Variants in ZFR observed in about 807,000 individuals in gnomAD.
ZFR encodes zinc finger RNA binding protein, also known as zinc finger RNA-binding protein.
In ZFR, 19 loss-of-function variants were observed where a neutral mutation model predicts 130.7. That is an observed-to-expected ratio of 0.15 (90% confidence interval 0.10 to 0.21). The LOEUF (loss-of-function observed/expected upper bound fraction) is 0.21. Among genes scored for constraint, ZFR ranks in the 10% least tolerant of loss-of-function variants. ZFR has a pLI of 1.00. For missense variants in ZFR, 872 were observed against 1,321.5 expected (o/e 0.66, Z 5.27); for synonymous variants, 466 against 456.9 (o/e 1.02, Z -0.25).
intron 5 of ZFR, among the ~76,000 whole-genome samples, chr5:32,407,342 A>T (rs1003593785): frequency 2.6e-5 from 4 of 151,316 alleles, no homozygotes; most frequent in African/African-American, 7.3e-5. Flanking sequence ...AGAATCTGCT[A>T]ATATGTCCCC....
At chr5:32,426,881 G>A (rs184800754) in intron 2 of ZFR, among the ~76,000 whole-genome samples, 1 of 138,506 alleles carries the variant, frequency 7.2e-6, no homozygotes, top group East Asian at 2.2e-4. Flanking sequence ...CTCCAGCCTG[G>A]ATGACAAAGA....
At chr5:32,396,713 C>T (rs543351218) in intron 10 of ZFR, among the ~76,000 whole-genome samples, 1 of 152,196 alleles carries the variant, frequency 6.6e-6, no homozygotes, top group South Asian at 2.1e-4. Context: ...CACTGCACTC[C>T]AGCCTTGGCT....
intron 17 of ZFR, among the ~76,000 whole-genome samples, chr5:32,375,815 C>T (rs530301648): frequency 2.7e-5 from 4 of 150,140 alleles, no homozygotes; most frequent in East Asian, 4.0e-4. Flanking sequence ...ACCGGTTGAT[C>T]TTTCATCTAT....
intron 5 of ZFR, 142 bp downstream of exon 5, chr5:32,414,827 C>T (rs1464428160): frequency 1.4e-6 from 1 of 706,612 alleles, no homozygotes; most frequent in East Asian, 3.1e-5. Flanking sequence ...AGAACAGTCA[C>T]ATTATGTACC....
At chr5:32,390,466 A>C (rs1213752062) in intron 11 of ZFR, 29 bp from the exon 12 acceptor site, 1 of 1,589,726 alleles carries the variant, frequency 6.3e-7, no homozygotes, top group African/African-American at 1.3e-5. Context: ...CATTATAAGC[A>C]TATGAGGAAA....
chr5:32,384,317 A>G (rs1245259300), intron 15 of ZFR, among the ~76,000 whole-genome samples: 1 of 152,194 alleles, frequency 6.6e-6, no homozygotes, highest in Non-Finnish European at 1.5e-5. Context: ...TTCACATAAG[A>G]AAACCCTTTA....
At chr5:32,442,926 C>T (rs1448459006) in intron 2 of ZFR, among the ~76,000 whole-genome samples, 5 of 152,074 alleles carry the variant, frequency 3.3e-5, no homozygotes, top group African/African-American at 1.2e-4. Flanking sequence ...GCAAAAGAGG[C>T]CAGGTGTGGT....
At chr5:32,419,712 T>C in intron 3 of ZFR, 109 bp downstream of exon 3, 1 of 1,480,902 alleles carries the variant, frequency 6.8e-7, no homozygotes, top group Non-Finnish European at 8.9e-7. Context: ...TCAGTACATG[T>C]GTATTTTGGA....
intron 2 of ZFR, among the ~76,000 whole-genome samples, chr5:32,432,530 C>T (rs576601297): frequency 6.6e-6 from 1 of 151,958 alleles, no homozygotes; most frequent in South Asian, 2.1e-4. Context: ...TTTAAGAGTT[C>T]TTTATATATA....
At chr5:32,393,381 T>C (rs1262358641) in intron 11 of ZFR, among the ~76,000 whole-genome samples, 6 of 152,156 alleles carry the variant, frequency 3.9e-5, no homozygotes, top group African/African-American at 1.4e-4. Flanking sequence ...TTTGTTCTTG[T>C]TGCCCAGGCT....
chr5:32,443,847 G>A (rs998731181), intron 2 of ZFR, among the ~76,000 whole-genome samples: 5 of 152,252 alleles, frequency 3.3e-5, no homozygotes, highest in Non-Finnish European at 5.9e-5. Context: ...CAAGTGGGAA[G>A]AAGATGGGAG....
chr5:32,396,846 C>CAT (rs1432909771), intron 10 of ZFR, among the ~76,000 whole-genome samples: 1 of 152,118 alleles, frequency 6.6e-6, no homozygotes, highest in South Asian at 2.1e-4. Context: ...GATTTTCCAA[C>CAT]ATATCAACTC....
intron 17 of ZFR, among the ~76,000 whole-genome samples, chr5:32,372,422 G>C (rs747201265): frequency 9.9e-5 from 15 of 152,088 alleles, no homozygotes; most frequent in Non-Finnish European, 1.3e-4. Flanking sequence ...CTATATGGTT[G>C]ACCCTTGAAA....
intron 17 of ZFR, among the ~76,000 whole-genome samples, chr5:32,366,042 G>C (rs1752540208): frequency 6.6e-6 from 1 of 152,146 alleles, no homozygotes; most frequent in African/African-American, 2.4e-5. Context: ...GAAAAGACTT[G>C]AGACCCTTGA....
intron 6 of ZFR, among the ~76,000 whole-genome samples, chr5:32,404,790 C>G (rs1196886889): frequency 6.6e-6 from 1 of 152,184 alleles, no homozygotes; most frequent in Non-Finnish European, 1.5e-5. Flanking sequence ...AACAACTGGA[C>G]AGTTTTGTGA....
rs749925679 is a variant in ZFR at position 32,417,901 on chromosome 5, T to C, written c.421-109A>G. The C allele has an allele frequency of 5.1e-6, 5 of 975,180 alleles. No homozygotes were observed. The Middle Eastern group carries it at 1.6e-3, about 316-fold the overall frequency. 60.4% of individuals were successfully genotyped at this position (975,180 alleles called of 1,614,324 possible). A position where few individuals can be genotyped will look rare whatever the true frequency, so the allele number is the denominator to read the frequency against. On this transcript the variant is annotated intron_variant, in intron 3 of 19. Transcript: ENST00000265069. ...AAAACAAAACACTAAATACGTAGTT[T>C]CATGACAGACCTAAACATAAAAGAA...
At chr5:32,356,224 G>A (rs1452236375) in intron 19 of ZFR, among the ~76,000 whole-genome samples, 1 of 151,830 alleles carries the variant, frequency 6.6e-6, no homozygotes, top group Non-Finnish European at 1.5e-5. Context: ...TGACATCAAA[G>A]AAACAAGCAG....
At position 32,412,907 on chromosome 5, in the gene ZFR, G is replaced by A. The variant is rs111366212; in HGVS notation, c.784+2062C>T. ...CTGGAGAATTAAAATTTTCTGGGGC[G>A]GGCACGGTGGCTCATGCCTGTATTG... On this transcript the variant is annotated intron_variant, in intron 5 of 19. Transcript: ENST00000265069. Among the ~76,000 whole-genome samples the A allele has an allele frequency of 9.6e-3, 1,459 of 152,166 alleles. 27 individuals carry two copies. The highest frequency in any genetic ancestry group is 0.034 in the African/African-American group (1,392 of 41,520).
At chr5:32,435,077 G>A (rs1393906742) in intron 2 of ZFR, among the ~76,000 whole-genome samples, 1 of 151,970 alleles carries the variant, frequency 6.6e-6, no homozygotes, top group African/African-American at 2.4e-5. Context: ...TACCATGATG[G>A]GGGGTTAATT....
Sources: allele counts gnomAD v4.1 joint callset (sites outside exome capture counted in the v4.1 genomes callset), GRCh38; gene constraint gnomAD v4.1.1; transcripts MANE v1.5; gene names NCBI Gene and HGNC (gene_info 2026-07-23, HGNC 2026-07-21).